The following DAB1 variants were observed in gnomAD, a reference collection of about 807,000 sequenced individuals.
The protein encoded by DAB1 is DAB adaptor protein 1, also known as disabled homolog 1.
DAB1 carries 15 observed loss-of-function variants against 64.6 expected under a neutral mutation model. That is an observed-to-expected ratio of 0.23 (90% confidence interval 0.16 to 0.36). The LOEUF (loss-of-function observed/expected upper bound fraction) is 0.36. Among genes scored for constraint, DAB1 ranks in the 10% least tolerant of loss-of-function variants. The probability of loss-of-function intolerance (pLI) is 1.00; values close to 1 mark genes in which losing one functional copy is unlikely to be tolerated. For missense variants in DAB1, 596 were observed against 706.7 expected (o/e 0.84, Z 1.78); for synonymous variants, 235 against 251.9 (o/e 0.93, Z 0.64).
intron 9 of DAB1, among the ~76,000 whole-genome samples, chr1:57,052,674 G>T (rs958168418): frequency 4.6e-5 from 7 of 152,112 alleles, no homozygotes; most frequent in African/African-American, 1.7e-4. Flanking sequence ...GATAAATACT[G>T]GCCTATATAA....
At chr1:58,387,696 G>A (rs980079426) in intron 3 of DAB1, among the ~76,000 whole-genome samples, 3 of 151,240 alleles carry the variant, frequency 2.0e-5, no homozygotes, top group African/African-American at 7.3e-5. Flanking sequence ...GATTTCTAGG[G>A]AGGGCATCTT....
At chr1:58,043,733 C>T (rs1647177147) in intron 5 of DAB1, among the ~76,000 whole-genome samples, 1 of 148,386 alleles carries the variant, frequency 6.7e-6, no homozygotes, top group East Asian at 2.0e-4. Context: ...TCACAACCCA[C>T]ATTTTTTTTT....
intron 6 of DAB1, among the ~76,000 whole-genome samples, chr1:57,732,470 A>G (rs1322861562): frequency 1.3e-5 from 2 of 152,162 alleles, no homozygotes; most frequent in Non-Finnish European, 2.9e-5. Flanking sequence ...TTCATCGGGT[A>G]AGTGGCACTA....
intron 5 of DAB1, among the ~76,000 whole-genome samples, chr1:57,917,191 A>G (rs1644739375): frequency 6.6e-6 from 1 of 151,874 alleles, no homozygotes; most frequent in African/African-American, 2.4e-5. Context: ...TCCCCTCCCC[A>G]TGAGTAAGCA....
At chr1:57,915,044 C>T (rs1006783018) in intron 5 of DAB1, among the ~76,000 whole-genome samples, 3 of 148,562 alleles carry the variant, frequency 2.0e-5, no homozygotes, top group African/African-American at 7.5e-5. Flanking sequence ...TAAGCCGAAG[C>T]GAGGGCAATT....
Position 57,029,818 on chromosome 1 carries a change from T to C in DAB1, c.724-3775A>G, listed in dbSNP as rs547933317. On this transcript the variant is annotated intron_variant, in intron 9 of 14. Coordinates refer to ENST00000371236, the MANE Select transcript of DAB1 (RefSeq NM_001365792.1). Reference sequence around the variant, plus strand: ...ACTCAATACCTGTACCTCCATTGTATCTTGGAAGTAACTAGCTTGCTTTTG... The same window carrying C: ...ACTCAATACCTGTACCTCCATTGTACCTTGGAAGTAACTAGCTTGCTTTTG... 2.0e-5 allele frequency among the ~76,000 whole-genome samples: 3 copies of C among 152,318 alleles called. No individual in the cohort carries two copies. The South Asian group carries it at 6.2e-4, about 32-fold the overall frequency.
intron 4 of DAB1, among the ~76,000 whole-genome samples, chr1:58,201,697 A>C (rs1057214752): frequency 2.0e-5 from 3 of 152,216 alleles, no homozygotes; most frequent in African/African-American, 7.2e-5. Context: ...GCAGAATTCC[A>C]TGAGGACTTT....
At chr1:57,363,544 A>T (rs1226472363) in intron 1 of DAB1, among the ~76,000 whole-genome samples, 1 of 152,210 alleles carries the variant, frequency 6.6e-6, no homozygotes, top group Non-Finnish European at 1.5e-5. Context: ...AATAGTTCTC[A>T]CCTCATAGTG....
intron 6 of DAB1, among the ~76,000 whole-genome samples, chr1:57,739,235 T>A (rs1237186368): frequency 2.0e-5 from 3 of 152,108 alleles, no homozygotes; most frequent in Non-Finnish European, 4.4e-5. Flanking sequence ...TGAATAAAGT[T>A]CAGAATTCCA....
intron 1 of DAB1, among the ~76,000 whole-genome samples, chr1:57,356,586 C>A (rs1438284940): frequency 1.3e-5 from 2 of 152,026 alleles, no homozygotes; most frequent in African/African-American, 4.8e-5. Context: ...GACATGCTCT[C>A]TCATCAGTTC....
chr1:57,396,625 G>T (rs569731721), intron 1 of DAB1, among the ~76,000 whole-genome samples: 2 of 152,094 alleles, frequency 1.3e-5, no homozygotes, highest in Non-Finnish European at 2.9e-5. Context: ...TTTTGAAATC[G>T]CACTGGTTCA....
chr1:58,379,153 G>A (rs1453964261), intron 3 of DAB1, among the ~76,000 whole-genome samples: 2 of 151,862 alleles, frequency 1.3e-5, no homozygotes, highest in African/African-American at 4.8e-5. Flanking sequence ...CGTCGCTCAC[G>A]CTGGGAGCTG....
At chr1:57,684,735 C>T (rs1037641725) in intron 6 of DAB1, among the ~76,000 whole-genome samples, 1 of 152,104 alleles carries the variant, frequency 6.6e-6, no homozygotes, top group African/African-American at 2.4e-5. Context: ...CAACCAGCTA[C>T]CATCACAATG....
At chr1:57,021,275 G>C (rs1478442065) in intron 11 of DAB1, among the ~76,000 whole-genome samples, 1 of 152,150 alleles carries the variant, frequency 6.6e-6, no homozygotes, top group Non-Finnish European at 1.5e-5. Flanking sequence ...GGCTGGTTAA[G>C]CAGCAAGACT....
At chr1:58,133,050 T>C (rs1042300648) in intron 5 of DAB1, among the ~76,000 whole-genome samples, 10 of 152,220 alleles carry the variant, frequency 6.6e-5, no homozygotes, top group African/African-American at 2.4e-4. Context: ...TTATCAGTTA[T>C]TTCTTAAAAA....
intron 5 of DAB1, among the ~76,000 whole-genome samples, chr1:57,912,965 C>T (rs1056768975): frequency 6.6e-6 from 1 of 152,164 alleles, no homozygotes; most frequent in Non-Finnish European, 1.5e-5. Flanking sequence ...AATGGAAGAA[C>T]ATTCCATGCT....
chr1:58,175,120 G>C (rs1230524304), intron 4 of DAB1, among the ~76,000 whole-genome samples: 2 of 152,172 alleles, frequency 1.3e-5, no homozygotes, highest in African/African-American at 2.4e-5. Flanking sequence ...AAATCTTGCT[G>C]CTGCTCACTC....
intron 6 of DAB1, among the ~76,000 whole-genome samples, chr1:57,785,443 A>C (rs1650296640): frequency 6.6e-6 from 1 of 152,218 alleles, no homozygotes; most frequent in Non-Finnish European, 1.5e-5. Flanking sequence ...CTGGAAAAAG[A>C]TTCATCATTC....
At chr1:58,486,108 G>C (rs1212957146) in intron 3 of DAB1, among the ~76,000 whole-genome samples, 3 of 152,120 alleles carry the variant, frequency 2.0e-5, no homozygotes, top group South Asian at 4.1e-4. Flanking sequence ...AATTGACATT[G>C]GAATTTGAAC....
Sources: allele counts gnomAD v4.1 joint callset (sites outside exome capture counted in the v4.1 genomes callset), GRCh38; gene constraint gnomAD v4.1.1; transcripts MANE v1.5; gene names NCBI Gene and HGNC (gene_info 2026-07-23, HGNC 2026-07-21).